Variants in ZNF600 observed in about 807,000 individuals in gnomAD.
ZNF600 encodes zinc finger protein KR-ZNF1.
A neutral mutation model predicts 7.3 loss-of-function variants in ZNF600; 4 were observed. The observed-to-expected ratio is 0.55, with a 90% CI of 0.27 to 1.25. ZNF600 has a LOEUF of 1.25. Ranked by LOEUF, ZNF600 falls within the 50% of genes most tolerant of loss-of-function variation. The pLI is 0.12. For missense variants in ZNF600, 911 were observed against 922.1 expected (o/e 0.99, Z 0.16); for synonymous variants, 290 against 308.9 (o/e 0.94, Z 0.64).
At chr19:52,820,309 G>T in the ZNF600 span, among the ~76,000 whole-genome samples, 1 of 133,784 alleles carries the variant, frequency 7.5e-6, no homozygotes, top group Non-Finnish European at 1.5e-5. Flanking sequence ...AGTAGAGACG[G>T]GGTTTCACCT....
the ZNF600 span, among the ~76,000 whole-genome samples, chr19:52,818,296 T>C: frequency 6.6e-6 from 1 of 152,030 alleles, no homozygotes; most frequent in East Asian, 1.9e-4. Context: ...TAGCCAGATA[T>C]GGTGGTGCGC....
chr19:52,774,567 T>C lies in ZNF600; in HGVS notation c.190+8A>G, dbSNP rs908657087. ...CTCCTCATGTCTGGGGGACATCATT[T>C]TCCTCACCCACAGCTTCCAGGTTCC... is the stretch of plus-strand genomic sequence containing the variant. On this transcript the variant is annotated splice_region_variant and intron_variant, in intron 3 of 3. Coordinates refer to ENST00000648973, the Ensembl canonical transcript of ZNF600. The C allele has an allele frequency of 1.1e-5, 11 of 985,256 alleles. No homozygotes were observed. The African/African-American group carries it at 1.6e-4, about 14-fold the overall frequency. The allele number at this position is 985,256 out of a possible 1,614,324, so 61.0% of individuals were successfully genotyped here.
the ZNF600 span, among the ~76,000 whole-genome samples, chr19:52,815,749 C>T: frequency 1.4e-5 from 2 of 145,882 alleles, no homozygotes; most frequent in Non-Finnish European, 3.0e-5. Context: ...GGTGTGAACC[C>T]AGGAGGCGGA....
the ZNF600 span, chr19:52,810,154 C>G: frequency 2.2e-6 from 2 of 926,656 alleles, no homozygotes; most frequent in Non-Finnish European, 1.8e-6. Context: ...GGGCTGGAAG[C>G]TATCGAAGCT....
exon 4 of ZNF600, chr19:52,766,708 T>C: frequency 6.2e-7 from 1 of 1,614,082 alleles, no homozygotes; most frequent in Admixed American, 1.7e-5. Flanking sequence ...GTGTGAATTC[T>C]TTTATGTCTT....
chr19:52,823,996 C>T, the ZNF600 span, among the ~76,000 whole-genome samples: 14 of 151,718 alleles, frequency 9.2e-5, no homozygotes, highest in African/African-American at 3.2e-4. Flanking sequence ...CCAGGAGACA[C>T]GGAGGTTGTG....
At chr19:52,766,052 G>A (rs746843181) in exon 4 of ZNF600, 23 of 1,613,294 alleles carry the variant, frequency 1.4e-5, no homozygotes, top group Non-Finnish European at 1.9e-5. Context: ...GGTGAACAAG[G>A]GATGGCTTGT....
the ZNF600 span, among the ~76,000 whole-genome samples, chr19:52,820,200 C>T: frequency 2.6e-5 from 3 of 113,818 alleles, no homozygotes; most frequent in Non-Finnish European, 5.3e-5. Flanking sequence ...TCACTGCAAG[C>T]TCTGCTTCCC....
intron 3 of ZNF600, among the ~76,000 whole-genome samples, chr19:52,772,163 A>C (rs540187947): frequency 6.6e-6 from 1 of 152,310 alleles, no homozygotes; most frequent in Admixed American, 6.5e-5. Context: ...AATTACAAAA[A>C]TTAGCCAGAC....
At chr19:52,815,950 G>C in the ZNF600 span, among the ~76,000 whole-genome samples, 1 of 146,898 alleles carries the variant, frequency 6.8e-6, no homozygotes, top group Non-Finnish European at 1.5e-5. Context: ...CAAACGTAAA[G>C]TAAAAAAAAA....
chr19:52,828,812 G>A, the ZNF600 span, among the ~76,000 whole-genome samples: 11 of 152,028 alleles, frequency 7.2e-5, no homozygotes, highest in African/African-American at 2.4e-4. Flanking sequence ...TTTGATCATG[G>A]GTGTTGACTA....
chr19:52,807,208 C>G, the ZNF600 span, among the ~76,000 whole-genome samples: 1 of 150,648 alleles, frequency 6.6e-6, no homozygotes, highest in South Asian at 2.1e-4. Context: ...CAGAAAGAGA[C>G]TCCTGCTTAT....
upstream of ZNF600, among the ~76,000 whole-genome samples, chr19:52,787,897 C>T (rs963107003): frequency 6.6e-6 from 1 of 151,170 alleles, no homozygotes; most frequent in South Asian, 2.1e-4. Context: ...AAAGAAATAT[C>T]TCCCCTAGTT....
Position 52,774,708 on chromosome 19 carries a change from T to A in ZNF600, c.64-7A>T. 1 of 985,372 alleles carries A rather than the reference T, an allele frequency of 1.0e-6. No individual in the cohort carries two copies. 61.0% of individuals were successfully genotyped at this position (985,372 alleles called of 1,614,324 possible). ...CCCTGAAAGTCAAGCGTCCCTAAAA[T>A]GAAACACACATTTCCACAAAACATT... On this transcript the variant is annotated splice_polypyrimidine_tract_variant and splice_region_variant and intron_variant, in intron 2 of 3. Transcript: ENST00000648973.
At chr19:52,809,364 C>A in the ZNF600 span, among the ~76,000 whole-genome samples, 2 of 152,200 alleles carry the variant, frequency 1.3e-5, no homozygotes, top group Admixed American at 6.5e-5. Flanking sequence ...AAAGAGCAAG[C>A]TAGCCATGTT....
the ZNF600 span, chr19:52,808,200 G>A: frequency 5.0e-6 from 8 of 1,593,662 alleles, no homozygotes; most frequent in African/African-American, 9.4e-5. Flanking sequence ...AAAATGACAA[G>A]AGAGGGGGAA....
upstream of ZNF600, among the ~76,000 whole-genome samples, chr19:52,788,843 G>C (rs567146081): frequency 6.6e-6 from 1 of 152,192 alleles, no homozygotes; most frequent in Non-Finnish European, 1.5e-5. Context: ...GTCCCATACT[G>C]TGATAATAGC....
chr19:52,774,759 T>C lies in ZNF600; in HGVS notation c.64-58A>G, dbSNP rs57447025. On this transcript the variant is annotated intron_variant, in intron 2 of 3. Transcript: ENST00000648973. The stretch of plus-strand genomic sequence containing the variant: ...ATGGAGGATTGAGTTATCACCTTCA[T>C]GGGAAATGAGAAAAGAGAAAATAAG... The C allele has an allele frequency of 0.027, 26,408 of 985,280 alleles. 4,541 individuals are homozygous for C. In the African/African-American group the frequency reaches 0.39, roughly 15 times the overall value. 61.0% of individuals were successfully genotyped at this position (985,280 alleles called of 1,614,324 possible). A position where few individuals can be genotyped will look rare whatever the true frequency, so the allele number is the denominator to read the frequency against.
chr19:52,789,760 G>A (rs1055812908), upstream of ZNF600, among the ~76,000 whole-genome samples: 3 of 152,072 alleles, frequency 2.0e-5, no homozygotes, highest in South Asian at 2.1e-4. Flanking sequence ...TGAAAAATAC[G>A]GCCGTACACT....
Sources: gnomAD v4.1 joint callset for allele counts (sites outside exome capture counted in the v4.1 genomes callset) on GRCh38, gnomAD v4.1.1 for gene constraint, MANE v1.5 for transcripts, NCBI Gene and HGNC (gene_info 2026-07-23, HGNC 2026-07-21) for gene names.